Variants in PARD3B observed in about 807,000 individuals in gnomAD.
The protein encoded by PARD3B is partitioning defective 3 homolog B.
PARD3B carries 103 observed loss-of-function variants against 130.2 expected under a neutral mutation model. That is an observed-to-expected ratio of 0.79 (90% CI 0.67 to 0.93). PARD3B has a LOEUF of 0.93. Ranked by LOEUF, PARD3B falls within the 40% of genes least tolerant of loss-of-function variation. The pLI, the probability that PARD3B is intolerant of heterozygous loss-of-function variation, is 0.00. For synonymous variants in PARD3B, 583 were observed against 553.2 expected, an observed-to-expected ratio of 1.05 and a Z score of -0.76; for missense variants, 1,609 against 1,499.2, an observed-to-expected ratio of 1.07 and a Z score of -1.21.
In PARD3B at chr2:204,555,276, G is replaced by A. The variant is rs536176599; in HGVS notation, c.120+9157G>A. Among the ~76,000 whole-genome samples, 4 of 152,190 alleles carry A rather than the reference G, an allele frequency of 2.6e-5. No homozygotes were observed. The East Asian group carries it at 7.7e-4, about 29-fold the overall frequency. On this transcript the variant is annotated intron_variant, in intron 1 of 22. Coordinates refer to ENST00000406610, the MANE Select transcript of PARD3B (RefSeq NM_001302769.2). ...TTCACTAATAAATTATATCCATGAA[G>A]GGCCTGGTACGGTGGCTCACACCTG... is the stretch of plus-strand genomic sequence containing the variant.
intron 11 of PARD3B, among the ~76,000 whole-genome samples, chr2:205,169,729 GA>G (rs2035038627): frequency 6.6e-6 from 1 of 152,098 alleles, no homozygotes; most frequent in East Asian, 1.9e-4. Context: ...CTAGGACCAG[GA>G]ACTGGATTCA....
intron 2 of PARD3B, among the ~76,000 whole-genome samples, chr2:204,714,416 C>T (rs2038617748): frequency 6.6e-6 from 1 of 151,854 alleles, no homozygotes; most frequent in Non-Finnish European, 1.5e-5. Flanking sequence ...TTTTTTAAAT[C>T]ACAGATTTAA....
chr2:204,849,175 T>TG (rs1211882939), intron 2 of PARD3B, among the ~76,000 whole-genome samples: 1 of 152,106 alleles, frequency 6.6e-6, no homozygotes, highest in African/African-American at 2.4e-5. Context: ...GAGTCAAATT[T>TG]GGGGTCTATT....
rs2031130016 is a variant in PARD3B at position 205,124,389 on chromosome 2, A to G, written c.1228A>G (p.Ile410Val). ...RDSSIHGPGPIFVKNILPKGA... is the reference protein window; with the variant it reads ...RDSSIHGPGPVFVKNILPKGA... ...CTCTTCCATACATGGTCCCGGTCCC[A>G]TTTTTGTAAAAAACATTTTACCAAA... Residue 410 changes from isoleucine (I) to valine (V), a missense_variant, in exon 9 of 23, where the codon ATT becomes GTT. Transcript: ENST00000406610. 1.2e-6 allele frequency: 2 copies of G among 1,603,296 alleles called. No homozygotes were observed. Among genetic ancestry groups the G allele is most frequent in the African/African-American group, 1.3e-5 (1 of 74,564 alleles).
chr2:205,127,514 A>C (rs1421922516), intron 10 of PARD3B, among the ~76,000 whole-genome samples: 1 of 152,160 alleles, frequency 6.6e-6, no homozygotes, highest in Non-Finnish European at 1.5e-5. Flanking sequence ...TCACTTGAAG[A>C]AGAGAAATTT....
chr2:205,002,109 G>T (rs2125283411), intron 3 of PARD3B, among the ~76,000 whole-genome samples: 1 of 152,270 alleles, frequency 6.6e-6, no homozygotes, highest in East Asian at 1.9e-4. Flanking sequence ...CCAACTGCCT[G>T]TCAATTCCCT....
rs2029893508 is a variant in PARD3B, at chr2:204,545,960, A to T, written c.-40A>T. ...GGGGGCTGCGCCCGCGGGGTCAGAC[A>T]CCTGTTCGGCCCGGCCCGGCGTGGT... On this transcript the variant is annotated 5_prime_UTR_variant, in exon 1 of 23. Transcript: ENST00000406610. The T allele has an allele frequency of 6.5e-7, 1 of 1,528,108 alleles. No individual in the cohort carries two copies. The highest frequency in any genetic ancestry group is 2.0e-5 in the Admixed American group (1 of 50,388). 94.7% of individuals were successfully genotyped at this position (1,528,108 alleles called of 1,614,324 possible). A position where few individuals can be genotyped will look rare whatever the true frequency, so the allele number is the denominator to read the frequency against.
chr2:205,369,600 G>A (rs1002646495), intron 18 of PARD3B, among the ~76,000 whole-genome samples: 2 of 152,158 alleles, frequency 1.3e-5, no homozygotes, highest in African/African-American at 4.8e-5. Context: ...TAAAAATAGA[G>A]TTAAAGAAAA....
rs1236054297 is a variant in PARD3B at position 205,321,601 on chromosome 2, C to T, written c.2630+19900C>T. 6.6e-6 allele frequency among the ~76,000 whole-genome samples: 1 copy of T among 152,064 alleles called. No individual in the cohort carries two copies. The highest frequency in any genetic ancestry group is 1.5e-5 in the Non-Finnish European group (1 of 68,020). On this transcript the variant is annotated intron_variant, in intron 18 of 22. Transcript: ENST00000406610. The surrounding 1 kb of genome is among the most constrained non-coding windows in gnomAD (Gnocchi z 4.2). ...TGATGTCTTTTTATCCTTAAGTGTA[C>T]TTTGAAGCTAGGACTATCACTGTAT...
intron 1 of PARD3B, among the ~76,000 whole-genome samples, chr2:204,572,325 G>A (rs998543492): frequency 3.9e-5 from 6 of 152,104 alleles, no homozygotes; most frequent in African/African-American, 1.4e-4. Context: ...AAAAGGAGGG[G>A]AGGGTACATG....
At chr2:205,513,187 A>G (rs1247205042) in intron 21 of PARD3B, among the ~76,000 whole-genome samples, 9 of 152,086 alleles carry the variant, frequency 5.9e-5, no homozygotes. Flanking sequence ...GCAGGAAGCA[A>G]TCTTTAAAGT....
chr2:204,892,257 G>A (rs1351602128), intron 2 of PARD3B, among the ~76,000 whole-genome samples: 1 of 152,206 alleles, frequency 6.6e-6, no homozygotes, highest in Admixed American at 6.5e-5. Flanking sequence ...AGGAACACCT[G>A]TGCCTGGAGG....
intron 18 of PARD3B, among the ~76,000 whole-genome samples, chr2:205,399,673 TC>T (rs1483709630): frequency 3.3e-5 from 5 of 152,134 alleles, no homozygotes; most frequent in Non-Finnish European, 5.9e-5. Context: ...TTTTTTTATT[TC>T]AAATGTGCAG....
chr2:204,833,375 C>T (rs949332765), intron 2 of PARD3B, among the ~76,000 whole-genome samples: 2 of 152,064 alleles, frequency 1.3e-5, no homozygotes, highest in Non-Finnish European at 2.9e-5. Flanking sequence ...AGCCAGAACT[C>T]CCTGTAAAGA....
chr2:205,019,965 A>G (rs1320966329), intron 3 of PARD3B, among the ~76,000 whole-genome samples: 1 of 152,148 alleles, frequency 6.6e-6, no homozygotes, highest in Non-Finnish European at 1.5e-5. Context: ...GAAGAAAGGC[A>G]GGGGTGTGTT....
At position 205,421,371 on chromosome 2, in the gene PARD3B, T is replaced by G. The variant is rs2046968111; in HGVS notation, c.2742-18999T>G. 6.6e-6 allele frequency among the ~76,000 whole-genome samples: 1 copy of G among 152,164 alleles called. No homozygotes were observed. Among genetic ancestry groups the G allele is most frequent in the South Asian group, 2.1e-4 (1 of 4,824 alleles). On this transcript the variant is annotated intron_variant, in intron 19 of 22. Transcript: ENST00000406610. This position sits in a 1 kb window ranked among gnomAD's most constrained non-coding sequence, Gnocchi z 5.1. ...AATGTCTCCAATATAATTGTTATGT[T>G]TAACATTTAGAGCCATTTATGTGGG...
intron 20 of PARD3B, among the ~76,000 whole-genome samples, chr2:205,474,461 A>G (rs1215987361): frequency 6.6e-6 from 1 of 152,138 alleles, no homozygotes; most frequent in African/African-American, 2.4e-5. Flanking sequence ...CCTTTTTACA[A>G]TGATACTGTG....
rs1241466988 is a variant in PARD3B at position 205,440,197 on chromosome 2, A to G, written c.2742-173A>G. On this transcript the variant is annotated intron_variant, in intron 19 of 22. Transcript: ENST00000406610. The surrounding 1 kb of genome is among the most constrained non-coding windows in gnomAD (Gnocchi z 4.2). The stretch of plus-strand genomic sequence containing the variant: ...ACCCTGTAACAAATAAAGATCAGAT[A>G]TATAAAATTAATCTTCTTATGCTGT... Among the ~76,000 whole-genome samples the G allele has an allele frequency of 1.3e-5, 2 of 152,238 alleles. No individual in the cohort carries two copies. The highest frequency in any genetic ancestry group is 1.9e-4 in the East Asian group (1 of 5,198).
chr2:205,121,503 T>TG lies in PARD3B; in HGVS notation c.807-87dup, dbSNP rs1245229679. 8.9e-7 allele frequency: 1 copy of TG among 1,124,090 alleles called. No homozygotes were observed. Among genetic ancestry groups the TG allele is most frequent in the East Asian group, 2.4e-5 (1 of 42,452 alleles). 69.6% of individuals were successfully genotyped at this position (1,124,090 alleles called of 1,614,324 possible). A position where few individuals can be genotyped will look rare whatever the true frequency, so the allele number is the denominator to read the frequency against. ...TGTCTCCTATGATTAGCCACTGTGC[T>TG]GCTCTTGGTTGCCATCCTCCTGGGG... On this transcript the variant is annotated intron_variant, in intron 7 of 22. Coordinates refer to ENST00000406610, the MANE Select transcript of PARD3B (RefSeq NM_001302769.2). This position sits in a 1 kb window ranked among gnomAD's most constrained non-coding sequence, Gnocchi z 5.0.
Sources: allele counts gnomAD v4.1 joint callset (sites outside exome capture counted in the v4.1 genomes callset), GRCh38; gene constraint gnomAD v4.1.1; non-coding constraint Gnocchi (gnomAD v3.1); transcripts MANE v1.5; gene names NCBI Gene and HGNC (gene_info 2026-07-23, HGNC 2026-07-21).